Variants in GRID2 observed in about 807,000 individuals in gnomAD.
The protein encoded by GRID2 is glutamate receptor ionotropic, delta-2.
A neutral mutation model predicts 114.8 loss-of-function variants in GRID2; 33 were observed. The ratio of observed to expected loss-of-function variants is 0.29; its 90% CI spans 0.22 to 0.38. The LOEUF is 0.38. GRID2 is among the 10% of genes least tolerant of loss of function. The pLI is 1.00. For missense variants in GRID2, 1,184 were observed against 1,257.7 expected (o/e 0.94, Z 0.89); for synonymous variants, 505 against 449.9 (o/e 1.12, Z -1.55).
chr4:93,326,876 A>G (rs1056509590), intron 8 of GRID2, among the ~76,000 whole-genome samples: 4 of 152,216 alleles, frequency 2.6e-5, no homozygotes, highest in African/African-American at 7.2e-5. Context: ...TATATAGAAG[A>G]TGTTTTAAAA....
At chr4:93,231,388 G>A (rs1375333574) in intron 7 of GRID2, among the ~76,000 whole-genome samples, 2 of 62,196 alleles carry the variant, frequency 3.2e-5, no homozygotes, top group South Asian at 5.2e-4. Flanking sequence ...CGCACCCCCT[G>A]CCAAAAAAAA....
intron 2 of GRID2, among the ~76,000 whole-genome samples, chr4:92,900,825 C>G (rs1253038861): frequency 9.2e-6 from 1 of 108,934 alleles, no homozygotes; most frequent in East Asian, 2.7e-4. Context: ...CAGAGTGAGA[C>G]TTCGTCTCAA....
intron 14 of GRID2, among the ~76,000 whole-genome samples, chr4:93,758,441 C>G (rs1227764730): frequency 6.6e-6 from 1 of 152,120 alleles, no homozygotes; most frequent in East Asian, 1.9e-4. Flanking sequence ...TAAAATAATT[C>G]TCCCGCTATT....
intron 2 of GRID2, among the ~76,000 whole-genome samples, chr4:92,746,934 T>C (rs1449330343): frequency 6.6e-6 from 1 of 152,148 alleles, no homozygotes; most frequent in Non-Finnish European, 1.5e-5. Flanking sequence ...AAGTTATTTG[T>C]AGAGCAGATG....
Position 93,243,606 on chromosome 4 carries a change from T to A in GRID2, c.1245+5116T>A, listed in dbSNP as rs1206742334. On this transcript the variant is annotated intron_variant, in intron 8 of 15. Transcript: ENST00000282020. ...GAGTTTTGTCTGCTCAGGATTTGAA[T>A]GTGTGATGTACCAAGGATTCATAAT... 1.6e-4 allele frequency among the ~76,000 whole-genome samples: 24 copies of A among 152,048 alleles called. 1 individual carries two copies. Among genetic ancestry groups the A allele is most frequent in the Admixed American group, 1.6e-3 (24 of 15,210 alleles).
chr4:92,667,064 G>A (rs1271526529), intron 2 of GRID2, among the ~76,000 whole-genome samples: 1 of 151,538 alleles, frequency 6.6e-6, no homozygotes, highest in Non-Finnish European at 1.5e-5. Flanking sequence ...CTGCCATAGA[G>A]TTTGTTAGTG....
chr4:92,850,715 C>G (rs1743711763), intron 2 of GRID2, among the ~76,000 whole-genome samples: 1 of 151,892 alleles, frequency 6.6e-6, no homozygotes, highest in Non-Finnish European at 1.5e-5. Context: ...ATATAGCAAG[C>G]TGCTGCAGAT....
chr4:93,087,148 C>T (rs1388421910), intron 3 of GRID2, among the ~76,000 whole-genome samples: 1 of 151,846 alleles, frequency 6.6e-6, no homozygotes, highest in Non-Finnish European at 1.5e-5. Context: ...GAGTCTTCTG[C>T]CTCAGCCTCC....
intron 13 of GRID2, among the ~76,000 whole-genome samples, chr4:93,616,474 G>T (rs1242606060): frequency 6.6e-6 from 1 of 150,564 alleles, no homozygotes; most frequent in Non-Finnish European, 1.5e-5. Flanking sequence ...TTGAACCCTG[G>T]AGGTGGAGGC....
chr4:93,180,539 G>T (rs1228946844), intron 4 of GRID2, among the ~76,000 whole-genome samples: 1 of 152,074 alleles, frequency 6.6e-6, no homozygotes, highest in Admixed American at 6.6e-5. Context: ...TTTCACAAAA[G>T]GTTTTCTGTA....
At chr4:93,186,322 T>A (rs1015594120) in intron 4 of GRID2, among the ~76,000 whole-genome samples, 1 of 152,184 alleles carries the variant, frequency 6.6e-6, no homozygotes, top group Admixed American at 6.5e-5. Flanking sequence ...TGCCACACTG[T>A]CTTCCACAAT....
rs1439929221 is a variant in GRID2 at position 93,213,042 on chromosome 4, G to A, written c.790-3696G>A. ...CCCAACTCAGCCTCCCAAAGTGTTG[G>A]GTTTACAGGCGTGAGCCACCGTGCC... On this transcript the variant is annotated intron_variant, in intron 5 of 15. Transcript: ENST00000282020. Among the ~76,000 whole-genome samples the A allele has an allele frequency of 3.9e-5, 6 of 152,116 alleles. No individual in the cohort carries two copies. The East Asian group carries it at 7.8e-4, about 20-fold the overall frequency.
chr4:93,023,243 G>A (rs1420812395), intron 2 of GRID2, among the ~76,000 whole-genome samples: 2 of 151,592 alleles, frequency 1.3e-5, no homozygotes, highest in African/African-American at 4.8e-5. Context: ...ATTGCTGGCT[G>A]TATTTTCCTG....
chr4:93,223,512 G>GT (rs1194913568), intron 6 of GRID2, among the ~76,000 whole-genome samples: 2 of 152,214 alleles, frequency 1.3e-5, no homozygotes, highest in African/African-American at 4.8e-5. Flanking sequence ...GATGTGGGTA[G>GT]ACTATTTTAA....
intron 8 of GRID2, among the ~76,000 whole-genome samples, chr4:93,308,638 AG>A (rs1183645814): frequency 6.6e-6 from 1 of 152,246 alleles, no homozygotes. Context: ...GGAGAAAGGC[AG>A]TAATAAGAAA....
chr4:92,949,316 C>CT (rs1313657943), intron 2 of GRID2, among the ~76,000 whole-genome samples: 1 of 151,770 alleles, frequency 6.6e-6, no homozygotes, highest in African/African-American at 2.4e-5. Context: ...AGGGCATAGT[C>CT]TTTTTTTATT....
chr4:92,424,309 CAT>C (rs552454233), intron 1 of GRID2, among the ~76,000 whole-genome samples: 178 of 152,164 alleles, frequency 1.2e-3, no homozygotes, highest in Non-Finnish European at 1.7e-3. Context: ...ATGTGGGAAA[CAT>C]ATGATACCAT....
intron 11 of GRID2, among the ~76,000 whole-genome samples, chr4:93,460,763 A>G (rs143025885): frequency 4.0e-4 from 61 of 152,278 alleles, no homozygotes; most frequent in Admixed American, 1.3e-3. Context: ...GGTTAGCTGC[A>G]ATATTTTGTT....
intron 1 of GRID2, among the ~76,000 whole-genome samples, chr4:92,467,859 T>C (rs1721833057): frequency 6.6e-6 from 1 of 151,984 alleles, no homozygotes. Context: ...CCCAAAAACT[T>C]ATCTGAACAA....
Sources: gnomAD v4.1 joint callset for allele counts (sites outside exome capture counted in the v4.1 genomes callset) on GRCh38, gnomAD v4.1.1 for gene constraint, MANE v1.5 for transcripts, NCBI Gene and HGNC (gene_info 2026-07-23, HGNC 2026-07-21) for gene names.